Variants in LIMD1 observed in about 807,000 individuals in gnomAD.
LIMD1 encodes LIM domain-containing protein 1.
LIMD1 carries 23 observed loss-of-function variants against 58.4 expected under a neutral mutation model. The ratio of observed to expected loss-of-function variants is 0.39; its 90% CI spans 0.28 to 0.56. The LOEUF (loss-of-function observed/expected upper bound fraction) is 0.56, where lower values mean the gene tolerates loss of function less well. Among genes scored for constraint, LIMD1 ranks in the 20% least tolerant of loss-of-function variants. The probability of loss-of-function intolerance (pLI) is 0.57; values close to 1 mark genes in which losing one functional copy is unlikely to be tolerated. For missense variants in LIMD1, 838 were observed against 855.5 expected, an observed-to-expected ratio of 0.98 and a Z score of 0.25; for synonymous variants, 334 against 345.5, an observed-to-expected ratio of 0.97 and a Z score of 0.37.
At chr3:45,661,114 A>C (rs79882677) in intron 2 of LIMD1, among the ~76,000 whole-genome samples, 3 of 152,180 alleles carry the variant, frequency 2.0e-5, no homozygotes, top group Non-Finnish European at 4.4e-5. Flanking sequence ...GTGGCCTTCT[A>C]TGTAAGTCCT....
At chr3:45,639,555 TCTG>T (rs1701821607) in intron 2 of LIMD1, among the ~76,000 whole-genome samples, 2 of 152,242 alleles carry the variant, frequency 1.3e-5, no homozygotes, top group Admixed American at 1.3e-4. Context: ...AGGGGAGCTC[TCTG>T]GGATCTCCTT....
chr3:45,614,963 G>A (rs1701562991), intron 1 of LIMD1, among the ~76,000 whole-genome samples: 1 of 151,948 alleles, frequency 6.6e-6, no homozygotes, highest in African/African-American at 2.4e-5. Flanking sequence ...TAACTTTGTT[G>A]TAGATTTGGG....
intron 2 of LIMD1, among the ~76,000 whole-genome samples, chr3:45,637,282 A>T (rs1417667792): frequency 1.4e-5 from 2 of 144,632 alleles, no homozygotes; most frequent in Admixed American, 6.8e-5. Flanking sequence ...AAGTGTATTA[A>T]TTTTTTTTTT....
intron 2 of LIMD1, among the ~76,000 whole-genome samples, chr3:45,647,374 A>G (rs1397331560): frequency 6.6e-6 from 1 of 152,196 alleles, no homozygotes; most frequent in Non-Finnish European, 1.5e-5. Context: ...GACTCTTCCC[A>G]GGAGTACTGA....
intron 2 of LIMD1, among the ~76,000 whole-genome samples, chr3:45,659,079 A>ATCAC (rs1261736634): frequency 6.6e-6 from 1 of 152,182 alleles, no homozygotes; most frequent in Non-Finnish European, 1.5e-5. Context: ...GAAATATGTG[A>ATCAC]AGTAAAGTGA....
intron 7 of LIMD1, among the ~76,000 whole-genome samples, chr3:45,675,327 C>G (rs573130905): frequency 6.6e-6 from 1 of 152,148 alleles, no homozygotes; most frequent in Non-Finnish European, 1.5e-5. Context: ...GTCAGGAGTT[C>G]GAGACCAGCC....
intron 7 of LIMD1, among the ~76,000 whole-genome samples, chr3:45,675,192 G>A (rs529803764): frequency 4.5e-4 from 68 of 152,294 alleles, no homozygotes; most frequent in African/African-American, 1.6e-3. Flanking sequence ...GAGGACATTT[G>A]CTCAACAGGC....
chr3:45,665,903 C>T (rs1478889847), intron 3 of LIMD1, among the ~76,000 whole-genome samples, 186 bp downstream of exon 3: 8 of 152,288 alleles, frequency 5.3e-5, no homozygotes, highest in African/African-American at 1.9e-4. Context: ...CAGCTTTGTA[C>T]TTTGAAGGAA....
At chr3:45,620,964 G>C (rs1229024580) in intron 1 of LIMD1, among the ~76,000 whole-genome samples, 3 of 152,286 alleles carry the variant, frequency 2.0e-5, no homozygotes, top group East Asian at 3.9e-4. Flanking sequence ...ATGTACTGAG[G>C]AGGGTACACC....
intron 1 of LIMD1, among the ~76,000 whole-genome samples, chr3:45,614,195 ATTTT>A (rs890655327): frequency 6.6e-6 from 1 of 152,032 alleles, no homozygotes; most frequent in African/African-American, 2.4e-5. Flanking sequence ...TTTAAAAAAC[ATTTT>A]TTTGTTTTTG....
intron 1 of LIMD1, among the ~76,000 whole-genome samples, chr3:45,601,863 C>A (rs1382709659): frequency 6.6e-6 from 1 of 152,002 alleles, no homozygotes; most frequent in East Asian, 1.9e-4. Context: ...CAGATTCATT[C>A]TCCACCCACG....
intron 1 of LIMD1, among the ~76,000 whole-genome samples, chr3:45,614,735 A>G (rs888761721): frequency 6.7e-6 from 1 of 148,344 alleles, no homozygotes; most frequent in Non-Finnish European, 1.5e-5. Context: ...AAAAAGTGAT[A>G]ATAATAATAA....
chr3:45,621,724 T>G (rs1322260477), intron 1 of LIMD1, among the ~76,000 whole-genome samples: 1 of 152,226 alleles, frequency 6.6e-6, no homozygotes, highest in Non-Finnish European at 1.5e-5. Flanking sequence ...AACAACAGCA[T>G]TTAATAACAG....
At chr3:45,630,014 A>T (rs984285735) in intron 1 of LIMD1, among the ~76,000 whole-genome samples, 9 of 152,214 alleles carry the variant, frequency 5.9e-5, no homozygotes, top group African/African-American at 2.2e-4. Flanking sequence ...AATTTGGAGA[A>T]TGGGCTAAAG....
chr3:45,615,874 A>G (rs928994624), intron 1 of LIMD1, among the ~76,000 whole-genome samples: 1 of 151,104 alleles, frequency 6.6e-6, no homozygotes, highest in African/African-American at 2.4e-5. Flanking sequence ...TACCTTTTAC[A>G]TGGGAGTTTT....
At chr3:45,659,893 A>T (rs1365468150) in intron 2 of LIMD1, among the ~76,000 whole-genome samples, 1 of 152,228 alleles carries the variant, frequency 6.6e-6, no homozygotes, top group Admixed American at 6.5e-5. Context: ...GCAGTAGCTT[A>T]TGAAAATATA....
chr3:45,597,551 A>C (rs953685987), intron 1 of LIMD1, among the ~76,000 whole-genome samples: 22 of 152,258 alleles, frequency 1.4e-4, no homozygotes, highest in Middle Eastern at 6.8e-3. Context: ...CTTTCTGTTG[A>C]GTAATGATTA....
intron 1 of LIMD1, among the ~76,000 whole-genome samples, chr3:45,600,609 C>T (rs1701402058): frequency 6.6e-6 from 1 of 152,174 alleles, no homozygotes; most frequent in Admixed American, 6.5e-5. Context: ...TTGCTCCTGG[C>T]CTACACCACC....
intron 2 of LIMD1, among the ~76,000 whole-genome samples, chr3:45,652,180 G>T (rs1417381526): frequency 6.6e-6 from 1 of 152,134 alleles, no homozygotes; most frequent in Non-Finnish European, 1.5e-5. Context: ...GCCTTCCTTG[G>T]CCTCCCTAAG....
Sources: gnomAD v4.1 joint callset for allele counts (sites outside exome capture counted in the v4.1 genomes callset) on GRCh38, gnomAD v4.1.1 for gene constraint, MANE v1.5 for transcripts, NCBI Gene and HGNC (gene_info 2026-07-23, HGNC 2026-07-21) for gene names.